ZDBF2: variants seen among roughly 807,000 people sequenced by gnomAD.
The protein encoded by ZDBF2 is DBF4-type zinc finger-containing protein 2.
A neutral mutation model predicts 9.4 loss-of-function variants in ZDBF2; 6 were observed. The observed-to-expected ratio is 0.64, with a 90% CI of 0.35 to 1.27. The LOEUF is 1.27. Among genes scored for constraint, ZDBF2 ranks in the 50% most tolerant of loss-of-function variants. ZDBF2 has a pLI of 0.03. For missense variants in ZDBF2, 2,697 were observed against 2,766.8 expected (o/e 0.97, Z 0.57); for synonymous variants, 905 against 946.3 (o/e 0.96, Z 0.80).
At chr2:206,282,366 G>A (rs977406500) in intron 3 of ZDBF2, among the ~76,000 whole-genome samples, 16 of 152,130 alleles carry the variant, frequency 1.1e-4, no homozygotes, top group Non-Finnish European at 1.6e-4. Flanking sequence ...CCAGGAGGCC[G>A]GTGGCTGCAT....
At chr2:206,295,255 CA>C (rs1358385852) in intron 3 of ZDBF2, among the ~76,000 whole-genome samples, 1 of 151,930 alleles carries the variant, frequency 6.6e-6, no homozygotes, top group Non-Finnish European at 1.5e-5. Flanking sequence ...TAGCATAATA[CA>C]ATGAAAGAGG....
At position 206,300,962 on chromosome 2, in the gene ZDBF2, T is replaced by C. The variant is rs1459134353; in HGVS notation, c.188+3589T>C. Among the ~76,000 whole-genome samples, 3 of 152,206 alleles carry C rather than the reference T, an allele frequency of 2.0e-5. No homozygotes were observed. In the East Asian group the frequency reaches 5.8e-4, roughly 29 times the overall value. ...CTTCCTAGAAGGCTATACCAATTTA[T>C]ACTCACACCAGCAGCATAAGAGAAT... is the stretch of plus-strand genomic sequence containing the variant. On this transcript the variant is annotated intron_variant, in intron 4 of 4. Coordinates refer to ENST00000374423, the MANE Select transcript of ZDBF2 (RefSeq NM_020923.3).
chr2:206,281,116 C>T (rs1287512110), intron 2 of ZDBF2, among the ~76,000 whole-genome samples: 1 of 152,094 alleles, frequency 6.6e-6, no homozygotes, highest in African/African-American at 2.4e-5. Context: ...GGGAACCATG[C>T]AGTATGTAAT....
chr2:206,280,852 A>G (rs1574376660), intron 2 of ZDBF2, among the ~76,000 whole-genome samples: 1 of 152,184 alleles, frequency 6.6e-6, no homozygotes, highest in East Asian at 1.9e-4. Flanking sequence ...TTATAGAATG[A>G]TTGTTATATA....
chr2:206,306,204 A>C lies in ZDBF2; in HGVS notation c.1676A>C (p.Glu559Ala). Residue 559 changes from glutamate to alanine, a missense_variant, in exon 5 of 5, where the codon GAA (glutamate) becomes GCA (alanine). Physicochemically the swap from Glu to Ala is moderately radical, Grantham distance 107. This residue lies in a region of ZDBF2 where 910 missense variants were observed against 973.6 expected (regional missense o/e 0.93). Transcript: ENST00000374423. ...VVDRPPVAVT[E>A]TKLRKKAHTS... ...GACAGACCCCCAGTGGCTGTCACAG[A>C]AACAAAACTTCGGAAGAAGGCTCAT... 1.2e-6 allele frequency: 2 copies of C among 1,613,640 alleles called. No homozygotes were observed. Among genetic ancestry groups the C allele is most frequent in the Non-Finnish European group, 1.7e-6 (2 of 1,179,780 alleles).
intron 3 of ZDBF2, among the ~76,000 whole-genome samples, chr2:206,292,917 TG>T (rs1222837123): frequency 6.6e-6 from 1 of 152,098 alleles, no homozygotes; most frequent in East Asian, 1.9e-4. Context: ...ATTTATCCAA[TG>T]TAATTTCAAT....
rs1692989739 is a variant in ZDBF2, at chr2:206,309,066, T to C, written c.4538T>C (p.Phe1513Ser). The stretch of plus-strand genomic sequence containing the variant: ...CCTTTTCAAATAGTAGTTAACCAAT[T>C]TCCAGGATCAGTCAAAGAAACCCAC... ...DVPFQIVVNQ[F>S]PGSVKETHLP... Residue 1513 changes from phenylalanine (F) to serine (S), a missense_variant, in exon 5 of 5, where the codon TTT becomes TCT. Coordinates refer to ENST00000374423, the MANE Select transcript of ZDBF2 (RefSeq NM_020923.3). 6.2e-7 allele frequency: 1 copy of C among 1,613,880 alleles called. No homozygotes were observed. The highest frequency in any genetic ancestry group is 1.7e-5 in the Admixed American group (1 of 60,008).
intron 1 of ZDBF2, among the ~76,000 whole-genome samples, chr2:206,275,329 G>A (rs980165407): frequency 3.3e-5 from 5 of 152,192 alleles, no homozygotes; most frequent in Non-Finnish European, 7.3e-5. Flanking sequence ...CTGGGCACCT[G>A]TGGGGCCGAG....
In ZDBF2 at chr2:206,309,736, T is replaced by A. The variant is rs779513616; in HGVS notation, c.5208T>A (p.Asp1736Glu). The A allele has an allele frequency of 6.2e-7, 1 of 1,613,874 alleles. No individual in the cohort carries two copies. The highest frequency in any genetic ancestry group is 8.5e-7 in the Non-Finnish European group (1 of 1,179,878). The change falls in exon 5 of 5, where the codon GAT becomes GAA. Residue 1736 changes from aspartate (D) to glutamate (E), a missense_variant. Asp to Glu is a conservative substitution (Grantham distance 45). This residue lies in a region of ZDBF2 where 1,783 missense variants were observed against 1,776.5 expected (regional missense o/e 1.00). Transcript: ENST00000374423. ...AACGTTCGAAGCTAAAACATAGAGATCTAGAAGTGAGCTGTGAACCGGATG... is the reference window on the plus strand; with the variant it reads ...AACGTTCGAAGCTAAAACATAGAGAACTAGAAGTGAGCTGTGAACCGGATG... ...KKKRSKLKHR[D>E]LEVSCEPDGF...
chr2:206,298,310 T>A (rs1359440685), intron 4 of ZDBF2, among the ~76,000 whole-genome samples: 1 of 152,202 alleles, frequency 6.6e-6, no homozygotes, highest in Non-Finnish European at 1.5e-5. Context: ...TAAAAATCGA[T>A]CATTAGCACA....
Position 206,308,042 on chromosome 2 carries a change from G to A in ZDBF2, c.3514G>A (p.Val1172Ile). Residue 1172 changes from valine (V) to isoleucine (I), a missense_variant, in exon 5 of 5, where the codon GTC (valine) becomes ATC (isoleucine). Around this residue, in one of 3 missense-constraint regions of ZDBF2, gnomAD observed 1,783 missense variants for 1,776.5 expected, o/e 1.00. Coordinates refer to ENST00000374423, the MANE Select transcript of ZDBF2 (RefSeq NM_020923.3). The stretch of plus-strand genomic sequence containing the variant: ...TTCTGGTTTCTTGGGTCAGTCAATA[G>A]TCAATCGACCTCAAATAACTATTTT... ...LDSGFLGQSIVNRPQITILEQ... is the reference protein window; with the variant it reads ...LDSGFLGQSIINRPQITILEQ... 1 of 1,613,930 alleles carries A rather than the reference G, an allele frequency of 6.2e-7. No homozygotes were observed. Among genetic ancestry groups the A allele is most frequent in the East Asian group, 2.2e-5 (1 of 44,884 alleles).
intron 3 of ZDBF2, among the ~76,000 whole-genome samples, chr2:206,284,903 A>AT (rs1691522534): frequency 6.6e-6 from 1 of 152,012 alleles, no homozygotes; most frequent in Non-Finnish European, 1.5e-5. Context: ...TGATTTTTGT[A>AT]TTTTTAGTAG....
At position 206,306,202 on chromosome 2, in the gene ZDBF2, A is replaced by G. The variant is rs770096566; in HGVS notation, c.1674A>G (p.Thr558=). ...SVVDRPPVAV[T]ETKLRKKAHT... ...TTGACAGACCCCCAGTGGCTGTCAC[A>G]GAAACAAAACTTCGGAAGAAGGCTC... Residue 558 remains threonine (T), a synonymous_variant, in exon 5 of 5, where the codon ACA becomes ACG. Transcript: ENST00000374423. The G allele has an allele frequency of 1.7e-5, 27 of 1,613,520 alleles. No individual in the cohort carries two copies. In the African/African-American group the frequency reaches 3.6e-4, roughly 22 times the overall value.
Position 206,307,652 on chromosome 2 carries a change from A to G in ZDBF2, c.3124A>G (p.Ile1042Val), listed in dbSNP as rs1195056396. 1 of 1,612,150 alleles carries G rather than the reference A, an allele frequency of 6.2e-7. No homozygotes were observed. The highest frequency in any genetic ancestry group is 8.5e-7 in the Non-Finnish European group (1 of 1,179,336). ...TGATAAATGTAGTGGTTCTGAAATA[A>G]TTTTGGATTCTAATGTTCCACCTCA... ...KNDKCSGSEIILDSNVPPQSM... is the reference protein window; with the variant it reads ...KNDKCSGSEIVLDSNVPPQSM... The change falls in exon 5 of 5, where the codon ATT becomes GTT. Residue 1042 changes from isoleucine to valine, a missense_variant. This residue lies in a region of ZDBF2 where 1,783 missense variants were observed against 1,776.5 expected (regional missense o/e 1.00). Transcript: ENST00000374423.
At position 206,309,458 on chromosome 2, in the gene ZDBF2, G is replaced by A. The variant is rs1693021205; in HGVS notation, c.4930G>A (p.Asp1644Asn). Reference sequence around the variant, plus strand: ...CATGACTTACGAGTCACAAGGACCTGATGAGAAAATGGTGAAATATATTGA... The same window carrying A: ...CATGACTTACGAGTCACAAGGACCTAATGAGAAAATGGTGAAATATATTGA... The part of the protein sequence containing the change: ...QSMTYESQGP[D>N]EKMVKYIDSE... The change falls in exon 5 of 5, where the codon GAT becomes AAT. Residue 1644 changes from aspartate to asparagine, a missense_variant. By Grantham distance (23) the Asp-to-Asn change is conservative. Coordinates refer to ENST00000374423, the MANE Select transcript of ZDBF2 (RefSeq NM_020923.3). 1 of 1,613,684 alleles carries A rather than the reference G, an allele frequency of 6.2e-7. No individual in the cohort carries two copies. The highest frequency in any genetic ancestry group is 1.7e-5 in the Admixed American group (1 of 59,962).
At chr2:206,275,743 C>A (rs1385924665) in intron 1 of ZDBF2, among the ~76,000 whole-genome samples, 4 of 152,090 alleles carry the variant, frequency 2.6e-5, no homozygotes, top group East Asian at 1.9e-4. Flanking sequence ...CAGCCTGTAG[C>A]GATCTCATCC....
intron 3 of ZDBF2, among the ~76,000 whole-genome samples, chr2:206,283,672 CTTT>C (rs199720344): frequency 1.3e-5 from 2 of 150,982 alleles, no homozygotes; most frequent in Non-Finnish European, 3.0e-5. Flanking sequence ...ATTACTTACT[CTTT>C]TTTTTTGAGA....
At chr2:206,291,645 T>C (rs1184659534) in intron 3 of ZDBF2, among the ~76,000 whole-genome samples, 1 of 152,222 alleles carries the variant, frequency 6.6e-6, no homozygotes, top group East Asian at 1.9e-4. Flanking sequence ...TTTGGGGGGA[T>C]GTAGTTCAAC....
At chr2:206,295,027 G>T (rs1336865796) in intron 3 of ZDBF2, among the ~76,000 whole-genome samples, 1 of 152,108 alleles carries the variant, frequency 6.6e-6, no homozygotes, top group Non-Finnish European at 1.5e-5. Context: ...AATTTAGATT[G>T]TTCCTGGGGC....
Sources: allele counts gnomAD v4.1 joint callset (sites outside exome capture counted in the v4.1 genomes callset), GRCh38; gene constraint gnomAD v4.1.1; regional missense constraint gnomAD v4.1.1; transcripts MANE v1.5; gene names NCBI Gene and HGNC (gene_info 2026-07-23, HGNC 2026-07-21).